Variants in CD46 observed in about 807,000 individuals in gnomAD.
The protein encoded by CD46 is membrane cofactor protein.
A neutral mutation model predicts 53.3 loss-of-function variants in CD46; 30 were observed. The ratio of observed to expected loss-of-function variants is 0.56; its 90% CI spans 0.42 to 0.76. CD46 has a LOEUF of 0.76. CD46 is among the 30% of genes least tolerant of loss of function. CD46 has a pLI of 0.00. For missense variants in CD46, 409 were observed against 463.0 expected (o/e 0.88, Z 1.07); for synonymous variants, 142 against 152.0 (o/e 0.93, Z 0.48).
chr1:207,774,783 T>C (rs1347886129), intron 8 of CD46, among the ~76,000 whole-genome samples: 3 of 152,244 alleles, frequency 2.0e-5, no homozygotes, highest in Non-Finnish European at 2.9e-5. Flanking sequence ...CCTTTGTGGG[T>C]AACCTGACCT....
chr1:207,769,382 C>T (rs570611156), intron 7 of CD46: 1 of 152,200 alleles, frequency 6.6e-6, no homozygotes, highest in Non-Finnish European at 1.5e-5. Context: ...ATGAGCAAAA[C>T]AAGATTGCAT....
At chr1:207,786,615 C>T (rs896234786) in intron 11 of CD46, among the ~76,000 whole-genome samples, 1 of 152,056 alleles carries the variant, frequency 6.6e-6, no homozygotes, top group Non-Finnish European at 1.5e-5. Flanking sequence ...GAAATCAAAC[C>T]TAATAATTTT....
chr1:207,771,923 A>G (rs1245809708), intron 8 of CD46, among the ~76,000 whole-genome samples: 1 of 152,112 alleles, frequency 6.6e-6, no homozygotes, highest in Non-Finnish European at 1.5e-5. Context: ...GTTTTTTCCA[A>G]TTCTGTGAAG....
rs530155436 is a variant in CD46, at chr1:207,759,371, G to A, written c.390-268G>A. ...ACAGAAATGAATGTGTAATGTGATT[G>A]CAGGAGGCAGCAAAGAGGCTGGGTG... On this transcript the variant is annotated intron_variant, in intron 3 of 12. Transcript: ENST00000367042. 1.4e-4 allele frequency among the ~76,000 whole-genome samples: 21 copies of A among 152,348 alleles called. No homozygotes were observed. In the East Asian group the frequency reaches 2.7e-3, roughly 20 times the overall value.
chr1:207,791,356 C>A (rs931411968), intron 12 of CD46, among the ~76,000 whole-genome samples: 6 of 152,150 alleles, frequency 3.9e-5, no homozygotes, highest in Non-Finnish European at 8.8e-5. Context: ...CTAATAATAT[C>A]AATTATAAAA....
intron 9 of CD46, among the ~76,000 whole-genome samples, chr1:207,783,990 C>G (rs548383865): frequency 4.9e-4 from 75 of 152,164 alleles, no homozygotes; most frequent in Non-Finnish European, 9.0e-4. Context: ...GTACTAGGGA[C>G]AGAAACAGTT....
At chr1:207,763,736 C>T (rs569259809) in intron 5 of CD46, among the ~76,000 whole-genome samples, 1 of 151,608 alleles carries the variant, frequency 6.6e-6, no homozygotes, top group African/African-American at 2.4e-5. Context: ...TTAGAGCCTA[C>T]ACAGTTTAGT....
rs1190855396 is a variant in CD46 at position 207,785,123 on chromosome 1, T to C, written c.1018+17T>C. The C allele has an allele frequency of 4.4e-6, 7 of 1,587,132 alleles. No homozygotes were observed. The South Asian group carries it at 6.6e-5, about 15-fold the overall frequency. On this transcript the variant is annotated intron_variant, in intron 10 of 12. Coordinates refer to ENST00000367042, the MANE Select transcript of CD46 (RefSeq NM_172351.3). ...TTGCCATAGGTAAGTATCACAAATT[T>C]TGACACCACTTAAGTCAAAAAATTA...
chr1:207,790,481 T>C (rs774995650), intron 12 of CD46, 136 bp downstream of exon 12: 4 of 608,902 alleles, frequency 6.6e-6, no homozygotes, highest in Admixed American at 2.6e-5. Flanking sequence ...CCTGTTCCCT[T>C]TGCTAAATTA....
chr1:207,793,421 T>C, intron 12 of CD46, 98 bp from the exon 13 acceptor site: 1 of 908,018 alleles, frequency 1.1e-6, no homozygotes, highest in South Asian at 1.4e-5. Flanking sequence ...CATTACTATA[T>C]TTTTTTAATT....
intron 5 of CD46, among the ~76,000 whole-genome samples, chr1:207,761,952 A>G (rs1403623691): frequency 6.6e-6 from 1 of 152,254 alleles, no homozygotes; most frequent in Non-Finnish European, 1.5e-5. Context: ...GAAAGAAATC[A>G]CTGAATAACA....
In CD46 at chr1:207,757,208, TA is replaced by T; in HGVS notation, c.286+9del. 2 of 1,609,816 alleles carry T rather than the reference TA, an allele frequency of 1.2e-6. No individual in the cohort carries two copies. Among genetic ancestry groups the T allele is most frequent in the Non-Finnish European group, 1.7e-6 (2 of 1,177,624 alleles). On this transcript the variant is annotated splice_region_variant and intron_variant, in intron 2 of 12. Transcript: ENST00000367042. ...CTCAGATGACGCCTGTTATAGTAAG[TA>T]AACAAACCTCTTTTTTTTTTCTGCT... is the stretch of plus-strand genomic sequence containing the variant.
At chr1:207,775,706 A>G (rs1658020888) in intron 8 of CD46, among the ~76,000 whole-genome samples, 1 of 152,142 alleles carries the variant, frequency 6.6e-6, no homozygotes, top group African/African-American at 2.4e-5. Flanking sequence ...AGAACCACAA[A>G]TATTGCTGCC....
chr1:207,769,392 T>C (rs1657219873), intron 7 of CD46: 1 of 152,220 alleles, frequency 6.6e-6, no homozygotes, highest in East Asian at 1.9e-4. Flanking sequence ...CAAGATTGCA[T>C]GTGAAATTTA....
intron 5 of CD46, among the ~76,000 whole-genome samples, chr1:207,762,317 GAA>G (rs1464621792): frequency 6.6e-6 from 1 of 152,010 alleles, no homozygotes; most frequent in Non-Finnish European, 1.5e-5. Context: ...TAGAAAAAAA[GAA>G]AAGTCTCAAA....
intron 1 of CD46, 102 bp from the exon 2 acceptor site, chr1:207,756,912 C>G (rs113181165): frequency 4.3e-5 from 39 of 914,854 alleles, no homozygotes; most frequent in Non-Finnish European, 6.4e-5. Context: ...TTGCCAAGGG[C>G]CTTTCTGTTT....
rs1660073814 is a variant in CD46 at position 207,794,457 on chromosome 1, C to T, written c.*980C>T. 6.6e-6 allele frequency: 1 copy of T among 152,150 alleles called. No homozygotes were observed. 9.4% of individuals were successfully genotyped at this position (152,150 alleles called of 1,614,324 possible). A position where few individuals can be genotyped will look rare whatever the true frequency, so the allele number is the denominator to read the frequency against. ...TGGTTACATGTGTTTTTCTCTCCCTCCTTAAATAAAGAGAGGGGTTAAACA... is the reference window on the plus strand; with the variant it reads ...TGGTTACATGTGTTTTTCTCTCCCTTCTTAAATAAAGAGAGGGGTTAAACA... On this transcript the variant is annotated 3_prime_UTR_variant, in exon 13 of 13. Transcript: ENST00000367042.
rs1655059035 is a variant in CD46 at position 207,752,727 on chromosome 1, G to A, written c.97+418G>A. Among the ~76,000 whole-genome samples, 1 of 152,158 alleles carries A rather than the reference G, an allele frequency of 6.6e-6. No homozygotes were observed. Among genetic ancestry groups the A allele is most frequent in the Non-Finnish European group, 1.5e-5 (1 of 68,032 alleles). Reference sequence around the variant, plus strand: ...CCCTGTGTTCCCTTGGTGCCTTGGTGAGTGGGGTGTTCATTAGGGCTTGGA... The same window carrying A: ...CCCTGTGTTCCCTTGGTGCCTTGGTAAGTGGGGTGTTCATTAGGGCTTGGA... On this transcript the variant is annotated intron_variant, in intron 1 of 12. Coordinates refer to ENST00000367042, the MANE Select transcript of CD46 (RefSeq NM_172351.3). This position sits in a 1 kb window ranked among gnomAD's most constrained non-coding sequence, Gnocchi z 4.1.
At chr1:207,766,913 T>C (rs1158981453) in intron 5 of CD46, 100 bp from the exon 6 acceptor site, 4 of 884,584 alleles carry the variant, frequency 4.5e-6, no homozygotes, top group Non-Finnish European at 7.3e-6. Flanking sequence ...CATCTTGCAT[T>C]CCATTCCTTG....
Sources: allele counts gnomAD v4.1 joint callset (sites outside exome capture counted in the v4.1 genomes callset), GRCh38; gene constraint gnomAD v4.1.1; non-coding constraint Gnocchi (gnomAD v3.1); transcripts MANE v1.5; gene names NCBI Gene and HGNC (gene_info 2026-07-23, HGNC 2026-07-21).